GPR39: variants seen among roughly 807,000 people sequenced by gnomAD.
The protein encoded by GPR39 is G protein-coupled receptor 39.
GPR39 carries 23 observed loss-of-function variants against 18.4 expected under a neutral mutation model. The ratio of observed to expected loss-of-function variants is 1.25; its 90% confidence interval spans 0.90 to 1.77. GPR39 has a LOEUF of 1.77. GPR39 is among the 40% of genes most tolerant of loss of function. The probability of loss-of-function intolerance (pLI) is 0.00; values close to 1 mark genes in which losing one functional copy is unlikely to be tolerated. For synonymous variants in GPR39, 280 were observed against 257.9 expected (o/e 1.09, Z -0.82); for missense variants, 647 against 602.4 (o/e 1.07, Z -0.78).
chr2:132,480,986 G>T (rs532534786), intron 1 of GPR39, among the ~76,000 whole-genome samples: 1 of 152,256 alleles, frequency 6.6e-6, no homozygotes, highest in South Asian at 2.1e-4. Flanking sequence ...TCAATCTGGG[G>T]TTGAATATCT....
intron 1 of GPR39, among the ~76,000 whole-genome samples, chr2:132,462,552 A>C (rs940680106): frequency 6.6e-6 from 1 of 152,228 alleles, no homozygotes; most frequent in Admixed American, 6.5e-5. Context: ...TTAATGTTAC[A>C]TCTTACACCA....
At chr2:132,525,205 A>T (rs1359652252) in intron 1 of GPR39, among the ~76,000 whole-genome samples, 1 of 152,144 alleles carries the variant, frequency 6.6e-6, no homozygotes, top group Non-Finnish European at 1.5e-5. Flanking sequence ...AGCTGGGATA[A>T]CTTTCAAATC....
intron 1 of GPR39, among the ~76,000 whole-genome samples, chr2:132,434,767 A>G (rs920822484): frequency 5.9e-5 from 9 of 152,202 alleles, no homozygotes; most frequent in Non-Finnish European, 1.3e-4. Flanking sequence ...CCAGATATGC[A>G]TGACTTCACA....
At chr2:132,603,651 A>G (rs1012170529) in intron 1 of GPR39, among the ~76,000 whole-genome samples, 1 of 152,180 alleles carries the variant, frequency 6.6e-6, no homozygotes, top group Non-Finnish European at 1.5e-5. Context: ...ATGTACAATT[A>G]TTACATGTCA....
intron 1 of GPR39, among the ~76,000 whole-genome samples, chr2:132,641,593 A>G (rs940481485): frequency 1.3e-5 from 2 of 152,208 alleles, no homozygotes; most frequent in Non-Finnish European, 2.9e-5. Context: ...ACTTAGTATT[A>G]AAAAATGTAA....
intron 1 of GPR39, among the ~76,000 whole-genome samples, chr2:132,481,553 A>G (rs187541112): frequency 2.0e-5 from 3 of 152,354 alleles, no homozygotes; most frequent in Admixed American, 2.0e-4. Flanking sequence ...TATGTCAGAA[A>G]GAATTTTTGT....
chr2:132,438,611 G>A (rs1573602419), intron 1 of GPR39, among the ~76,000 whole-genome samples: 1 of 115,166 alleles, frequency 8.7e-6, no homozygotes, highest in East Asian at 2.5e-4. Context: ...ATTTTTTTGA[G>A]TGTTGTAGAA....
intron 1 of GPR39, among the ~76,000 whole-genome samples, chr2:132,580,983 A>G (rs1034307208): frequency 2.0e-5 from 3 of 147,652 alleles, no homozygotes; most frequent in Non-Finnish European, 4.4e-5. Flanking sequence ...CAAAAAAAAA[A>G]ACACCAAAAA....
chr2:132,642,262 A>G (rs573186681), intron 1 of GPR39, among the ~76,000 whole-genome samples: 53 of 152,264 alleles, frequency 3.5e-4, no homozygotes, highest in African/African-American at 1.3e-3. Context: ...ATATCTACCT[A>G]CTTTTACACC....
At chr2:132,493,427 A>G (rs1481485790) in intron 1 of GPR39, among the ~76,000 whole-genome samples, 2 of 147,156 alleles carry the variant, frequency 1.4e-5, no homozygotes, top group African/African-American at 5.0e-5. Flanking sequence ...TACACACGCC[A>G]TATATACACA....
At chr2:132,447,169 C>T (rs1680551811) in intron 1 of GPR39, among the ~76,000 whole-genome samples, 1 of 152,170 alleles carries the variant, frequency 6.6e-6, no homozygotes, top group African/African-American at 2.4e-5. Flanking sequence ...TGTCCTATCC[C>T]TTCTGTCATT....
At chr2:132,506,897 T>C (rs1031733975) in intron 1 of GPR39, among the ~76,000 whole-genome samples, 1 of 151,516 alleles carries the variant, frequency 6.6e-6, no homozygotes, top group Middle Eastern at 3.4e-3. Context: ...AGGAGAAAAA[T>C]CCCTAAATAC....
At chr2:132,617,845 C>T (rs1183457039) in intron 1 of GPR39, among the ~76,000 whole-genome samples, 1 of 152,202 alleles carries the variant, frequency 6.6e-6, no homozygotes, top group Non-Finnish European at 1.5e-5. Flanking sequence ...ATCTGAGCCT[C>T]AGTGTCCATG....
chr2:132,428,410 G>C (rs992711099), intron 1 of GPR39, among the ~76,000 whole-genome samples: 6 of 152,204 alleles, frequency 3.9e-5, no homozygotes, highest in Admixed American at 2.6e-4. Context: ...AAGCCTAAAT[G>C]TACCACTTGA....
At chr2:132,626,902 T>C (rs1681553854) in intron 1 of GPR39, among the ~76,000 whole-genome samples, 1 of 152,214 alleles carries the variant, frequency 6.6e-6, no homozygotes, top group Admixed American at 6.5e-5. Context: ...GATCCTATTT[T>C]AGGATTGTAG....
chr2:132,440,642 CA>C (rs1680418757), intron 1 of GPR39, among the ~76,000 whole-genome samples: 1 of 152,170 alleles, frequency 6.6e-6, no homozygotes, highest in African/African-American at 2.4e-5. Flanking sequence ...CAAAGTTTAA[CA>C]ACCACTGACA....
At chr2:132,469,702 A>C (rs759414678) in intron 1 of GPR39, among the ~76,000 whole-genome samples, 9 of 152,172 alleles carry the variant, frequency 5.9e-5, no homozygotes, top group Non-Finnish European at 1.3e-4. Flanking sequence ...GAGGGTCTCA[A>C]TCCAGTGGCT....
rs751583181 is a variant in GPR39, at chr2:132,417,911, TC to T, written c.856+14del. On this transcript the variant is annotated intron_variant, in intron 1 of 1. Coordinates refer to ENST00000329321, the MANE Select transcript of GPR39 (RefSeq NM_001508.3). ...ATCATCTTCCTGAGTGAGTCCTAAG[TC>T]GGGGGCAACACGTGAGCAGCTTCCC... The T allele has an allele frequency of 6.4e-7, 1 of 1,562,366 alleles. No homozygotes were observed. The highest frequency in any genetic ancestry group is 1.7e-5 in the Admixed American group (1 of 58,020).
chr2:132,635,285 G>A (rs1050600874), intron 1 of GPR39, among the ~76,000 whole-genome samples: 21 of 152,134 alleles, frequency 1.4e-4, no homozygotes, highest in Non-Finnish European at 2.5e-4. Flanking sequence ...CTATATAAAC[G>A]TTTTCTGTTA....
Sources: allele counts gnomAD v4.1 joint callset (sites outside exome capture counted in the v4.1 genomes callset), GRCh38; gene constraint gnomAD v4.1.1; transcripts MANE v1.5; gene names NCBI Gene and HGNC (gene_info 2026-07-23, HGNC 2026-07-21).